Variants in ZFP64 observed in about 807,000 individuals in gnomAD.
ZFP64 encodes zinc finger protein 64.
ZFP64 carries 14 observed loss-of-function variants against 51.6 expected under a neutral mutation model. That is an observed-to-expected ratio of 0.27 (90% confidence interval 0.18 to 0.42). The LOEUF (loss-of-function observed/expected upper bound fraction) is 0.42. ZFP64 is among the 10% of genes least tolerant of loss of function. The probability of loss-of-function intolerance (pLI) is 1.00; values close to 1 mark genes in which losing one functional copy is unlikely to be tolerated. For missense variants in ZFP64, 754 were observed against 906.8 expected (o/e 0.83, Z 2.16); for synonymous variants, 375 against 361.4 (o/e 1.04, Z -0.43).
chr20:52,086,320 C>T (rs1600679733), intron 8 of ZFP64, among the ~76,000 whole-genome samples: 1 of 152,100 alleles, frequency 6.6e-6, no homozygotes, highest in Non-Finnish European at 1.5e-5. Context: ...CAGTGGATGG[C>T]GTAACCACCC....
At position 52,160,941 on chromosome 20, in the gene ZFP64, C is replaced by T. The variant is rs191454338; in HGVS notation, c.512-567G>A. Among the ~76,000 whole-genome samples, 858 of 152,206 alleles carry T rather than the reference C, an allele frequency of 5.6e-3. 6 individuals are homozygous for T. Among genetic ancestry groups the T allele is most frequent in the African/African-American group, 0.019 (777 of 41,544 alleles). On this transcript the variant is annotated intron_variant, in intron 4 of 5. Coordinates refer to ENST00000216923, the MANE Select transcript of ZFP64 (RefSeq NM_018197.3). This position sits in a 1 kb window ranked among gnomAD's most constrained non-coding sequence, Gnocchi z 4.2. The stretch of plus-strand genomic sequence containing the variant: ...TCTCTTTTCCTGCTTCTAGCCAAGG[C>T]ATGGGGATAAGGCAGCAGGTGAGGG...
At chr20:52,143,248 C>T (rs1980364508) in intron 5 of ZFP64, among the ~76,000 whole-genome samples, 1 of 142,562 alleles carries the variant, frequency 7.0e-6, no homozygotes, top group Non-Finnish European at 1.6e-5. Context: ...CGAAACATGC[C>T]TGTACTTGAA....
At chr20:52,109,626 T>C (rs1444343445) in intron 5 of ZFP64, among the ~76,000 whole-genome samples, 1 of 151,434 alleles carries the variant, frequency 6.6e-6, no homozygotes, top group Non-Finnish European at 1.5e-5. Context: ...TAAAAATAAA[T>C]AAAAATTAGC....
downstream of ZFP64, among the ~76,000 whole-genome samples, chr20:52,148,314 T>G (rs1186833587): frequency 6.6e-6 from 1 of 152,008 alleles, no homozygotes; most frequent in African/African-American, 2.4e-5. Flanking sequence ...TTTGTGAACT[T>G]TATCTACACG....
chr20:52,175,571 A>G lies in ZFP64; in HGVS notation c.287-9546T>C, dbSNP rs1160561589. ...CAGAATTCACTGTCTGAGGCCGGGC[A>G]TGGCGGCTCACGCCTGTAATCCCAG... On this transcript the variant is annotated intron_variant, in intron 2 of 5. Transcript: ENST00000216923. 6.6e-5 allele frequency among the ~76,000 whole-genome samples: 10 copies of G among 152,190 alleles called. No individual in the cohort carries two copies. The East Asian group carries it at 1.9e-3, about 29-fold the overall frequency.
chr20:52,122,758 T>C (rs115008248), intron 5 of ZFP64, among the ~76,000 whole-genome samples: 106 of 152,150 alleles, frequency 7.0e-4, no homozygotes, highest in African/African-American at 2.2e-3. Flanking sequence ...GCTGCAGATG[T>C]GGTAGAGATA....
intron 5 of ZFP64, among the ~76,000 whole-genome samples, chr20:52,129,194 G>A (rs1979597632): frequency 1.3e-5 from 2 of 151,626 alleles, no homozygotes; most frequent in Non-Finnish European, 2.9e-5. Flanking sequence ...CCGTTCTCCC[G>A]CCTCAGCTTC....
intron 5 of ZFP64, among the ~76,000 whole-genome samples, chr20:52,126,264 C>T (rs1979441737): frequency 6.6e-6 from 1 of 152,162 alleles, no homozygotes; most frequent in Non-Finnish European, 1.5e-5. Context: ...TTACTATCCC[C>T]ATTATAGAGA....
rs1981683464 is a variant in ZFP64, at chr20:52,160,329, C to T, written c.557G>A (p.Arg186Gln). 5 of 1,614,190 alleles carry T rather than the reference C, an allele frequency of 3.1e-6. No homozygotes were observed. Among genetic ancestry groups the T allele is most frequent in the East Asian group, 2.2e-5 (1 of 44,884 alleles). Residue 186 changes from arginine to glutamine, a missense_variant, in exon 5 of 6, where the codon CGG (arginine) becomes CAG (glutamine). Coordinates refer to ENST00000216923, the MANE Select transcript of ZFP64 (RefSeq NM_018197.3). This position sits in a 1 kb window ranked among gnomAD's most constrained non-coding sequence, Gnocchi z 4.2. Reference protein sequence around the residue: ...KCEVCGKCFSRKDKLKTHMRC... With the variant: ...KCEVCGKCFSQKDKLKTHMRC... ...CATGTGAGTTTTCAGCTTGTCTTTCCGGCTAAAGCACTTGCCACAGACTTC... is the reference window on the plus strand; with the variant it reads ...CATGTGAGTTTTCAGCTTGTCTTTCTGGCTAAAGCACTTGCCACAGACTTC...
Position 52,105,263 on chromosome 20 carries a change from G to A in ZFP64, c.764-6676C>T, listed in dbSNP as rs771669142. The A allele has an allele frequency of 1.4e-5, 19 of 1,315,860 alleles. No individual in the cohort carries two copies. The Admixed American group carries it at 2.0e-4, about 14-fold the overall frequency. The allele number at this position is 1,315,860 out of a possible 1,614,324, so 81.5% of individuals were successfully genotyped here. ...GGCGCGAGGACCGGGCTCCCCGCGCGTCCCTAGGAGTGGCCTACTTCACAC... is the reference window on the plus strand; with the variant it reads ...GGCGCGAGGACCGGGCTCCCCGCGCATCCCTAGGAGTGGCCTACTTCACAC... On this transcript the variant is annotated intron_variant, in intron 5 of 8. Transcript: ENST00000361387.
chr20:52,101,749 G>A (rs2079052713), intron 5 of ZFP64, among the ~76,000 whole-genome samples: 1 of 151,696 alleles, frequency 6.6e-6, no homozygotes, highest in South Asian at 2.1e-4. Flanking sequence ...AGATGATTCT[G>A]CTGTATTACT....
intron 2 of ZFP64, among the ~76,000 whole-genome samples, chr20:52,177,790 T>C (rs1983339818): frequency 6.6e-6 from 1 of 152,046 alleles, no homozygotes; most frequent in South Asian, 2.1e-4. Context: ...CCCAACACTT[T>C]GGGAGGCTGA....
chr20:52,098,535 G>C lies in ZFP64; in HGVS notation c.816C>G (p.Ser272Arg), dbSNP rs139908739. ...TGACAGGGGCCTTCGGAGTGTCAGTGCTTTCAGTGGAGAGGCAGTTTGCTT... is the reference window on the plus strand; with the variant it reads ...TGACAGGGGCCTTCGGAGTGTCAGTCCTTTCAGTGGAGAGGCAGTTTGCTT... Residue 272 changes from serine (S) to arginine (R), a missense_variant, in exon 6 of 9, where the codon AGC (serine) becomes AGG (arginine). Physicochemically the swap from Ser to Arg is moderately radical, Grantham distance 110. Coordinates refer to the ZFP64 transcript ENST00000361387. 102 of 1,614,146 alleles carry C rather than the reference G, an allele frequency of 6.3e-5. 3 individuals carry two copies. The Admixed American group carries it at 1.7e-3, about 27-fold the overall frequency.
At chr20:52,112,090 A>C (rs1013115337) in intron 5 of ZFP64, among the ~76,000 whole-genome samples, 17 of 138,228 alleles carry the variant, frequency 1.2e-4, no homozygotes, top group East Asian at 5.9e-4. Flanking sequence ...TCCAAAAAAA[A>C]AAAAAAAAAA....
rs1244990243 is a variant in ZFP64, at chr20:52,152,413, G to A, written c.1779C>T (p.Gly593=). Residue 593 remains glycine, a synonymous_variant, in exon 6 of 6, where the codon GGC becomes GGT. Transcript: ENST00000216923. ...TTTGATTGCCAGAGCCTTCCTGGGGGCCACCTGAGGCCGTGGGGATGAGAG... is the reference window on the plus strand; with the variant it reads ...TTTGATTGCCAGAGCCTTCCTGGGGACCACCTGAGGCCGTGGGGATGAGAG... The part of the protein sequence containing the change: ...HQTLIPTASG[G]PQEGSGNQTF... 1.9e-6 allele frequency: 3 copies of A among 1,614,194 alleles called. No homozygotes were observed. The highest frequency in any genetic ancestry group is 1.7e-6 in the Non-Finnish European group (2 of 1,180,040).
At position 52,164,681 on chromosome 20, in the gene ZFP64, G is replaced by A. The variant is rs1228336312; in HGVS notation, c.511+14C>T. On this transcript the variant is annotated intron_variant, in intron 4 of 5. Transcript: ENST00000216923. ...AGGTGTTGAGGGCATATGCGCTAAA[G>A]AAATGCTACTTACCCGTGTGAATTT... The A allele has an allele frequency of 6.2e-7, 1 of 1,612,580 alleles. No individual in the cohort carries two copies. The highest frequency in any genetic ancestry group is 8.5e-7 in the Non-Finnish European group (1 of 1,179,288).
intron 2 of ZFP64, among the ~76,000 whole-genome samples, chr20:52,184,694 A>G (rs1983838426): frequency 1.3e-5 from 2 of 150,428 alleles, no homozygotes; most frequent in Admixed American, 1.3e-4. Flanking sequence ...TGGTACGATC[A>G]TAGCTCACTG....
downstream of ZFP64, among the ~76,000 whole-genome samples, chr20:52,150,734 C>T (rs1185925926): frequency 6.6e-6 from 1 of 152,174 alleles, no homozygotes; most frequent in African/African-American, 2.4e-5. Context: ...CCAAGAGTAA[C>T]CTCCCCTCCT....
chr20:52,152,706 T>C lies in ZFP64; in HGVS notation c.1486A>G (p.Arg496Gly), dbSNP rs771976260. 6 of 1,556,510 alleles carry C rather than the reference T, an allele frequency of 3.9e-6. No individual in the cohort carries two copies. In the Admixed American group the frequency reaches 1.1e-4, roughly 29 times the overall value. ...TGATGCCCAACGATGATTTTGACTCTTCCCTCGCTGAACTGGGGCACTTGG... is the reference window on the plus strand; with the variant it reads ...TGATGCCCAACGATGATTTTGACTCCTCCCTCGCTGAACTGGGGCACTTGG... ...PSQVPQFSEG[R>G]VKIIVGHQVP... The change falls in exon 6 of 6, where the codon AGA becomes GGA. Residue 496 changes from arginine (R) to glycine (G), a missense_variant. Physicochemically the swap from Arg to Gly is moderately radical, Grantham distance 125 (BLOSUM62 -2). This residue lies in a region of ZFP64 where 428 missense variants were observed against 472.4 expected (regional missense o/e 0.91). Coordinates refer to ENST00000216923, the MANE Select transcript of ZFP64 (RefSeq NM_018197.3).
Sources: allele counts gnomAD v4.1 joint callset (sites outside exome capture counted in the v4.1 genomes callset), GRCh38; gene constraint gnomAD v4.1.1; regional missense constraint gnomAD v4.1.1; non-coding constraint Gnocchi (gnomAD v3.1); transcripts MANE v1.5; gene names NCBI Gene and HGNC (gene_info 2026-07-23, HGNC 2026-07-21).